The following OGFR variants were observed in gnomAD, a reference collection of about 807,000 sequenced individuals.
The protein encoded by OGFR is protein 7-60.
OGFR carries 18 observed loss-of-function variants against 33.6 expected under a neutral mutation model. The observed-to-expected ratio is 0.54, with a 90% CI of 0.37 to 0.80. OGFR has a LOEUF of 0.80. Ranked by LOEUF, OGFR falls within the 30% of genes least tolerant of loss-of-function variation. The pLI, the probability that OGFR is intolerant of heterozygous loss-of-function variation, is 0.00. For missense variants in OGFR, 877 were observed against 955.8 expected, an observed-to-expected ratio of 0.92 and a Z score of 1.09; for synonymous variants, 370 against 400.7, an observed-to-expected ratio of 0.92 and a Z score of 0.91.
At chr20:62,805,101 C>T in intron 1 of OGFR, 71 bp downstream of exon 1, 4 of 1,187,486 alleles carry the variant, frequency 3.4e-6, no homozygotes, top group Non-Finnish European at 4.3e-6. Context: ...GACGGGAGAC[C>T]CCCCCATCCC....
At chr20:62,807,257 T>G in intron 1 of OGFR, 1 of 500,510 alleles carries the variant, frequency 2.0e-6, no homozygotes, top group Non-Finnish European at 3.6e-6. Flanking sequence ...AAGCCAGGAG[T>G]CCCAAAGGGG....
chr20:62,808,157 T>C, intron 2 of OGFR, 90 bp from the exon 3 acceptor site: 3 of 1,001,968 alleles, frequency 3.0e-6, no homozygotes, highest in Non-Finnish European at 4.8e-6. Flanking sequence ...GCCTGGAGGT[T>C]TGCAGATGCG....
intron 5 of OGFR, 107 bp from the exon 6 acceptor site, chr20:62,811,355 C>CT (rs1297812608): frequency 5.9e-6 from 7 of 1,190,134 alleles, no homozygotes; most frequent in Non-Finnish European, 8.4e-6. Flanking sequence ...GTCTGTCTGT[C>CT]TGTCTAGTCC....
In OGFR at chr20:62,808,233, C is replaced by T. The variant is rs201865492; in HGVS notation, c.241-14C>T. 4 of 1,607,360 alleles carry T rather than the reference C, an allele frequency of 2.5e-6. No individual in the cohort carries two copies. The highest frequency in any genetic ancestry group is 2.2e-5 in the East Asian group (1 of 44,862). Reference sequence around the variant, plus strand: ...CTGATGGATCCCTGCTGTCCCCTTTCTCTGGCTCTTCAGGATCTGGTGGAA... The same window carrying T: ...CTGATGGATCCCTGCTGTCCCCTTTTTCTGGCTCTTCAGGATCTGGTGGAA... On this transcript the variant is annotated splice_polypyrimidine_tract_variant and intron_variant, in intron 2 of 6. Transcript: ENST00000290291.
Position 62,812,815 on chromosome 20 carries a change from C to A in OGFR, c.1200C>A (p.Gly400=). Residue 400 remains glycine, a synonymous_variant, in exon 7 of 7, where the codon GGC becomes GGA. Coordinates refer to ENST00000290291, the MANE Select transcript of OGFR (RefSeq NM_007346.4). The part of the protein sequence containing the change: ...SRREQPPTEP[G]PQSASEVEKI... ...GGGAGCAGCCGCCCACAGAGCCAGG[C>A]CCTCAGAGTGCCTCAGAGGTGGAGA... The A allele has an allele frequency of 6.2e-7, 1 of 1,612,698 alleles. No homozygotes were observed. Among genetic ancestry groups the A allele is most frequent in the Non-Finnish European group, 8.5e-7 (1 of 1,179,898 alleles).
rs1990549402 is a variant in OGFR at position 62,804,975 on chromosome 20, G to A, written c.116G>A (p.Gly39Glu). ...GCCGGCGCGAGGGACGCGGACGCAG[G>A]GGACGAGGACGAGGAGTCGGAGGAG... The part of the protein sequence containing the change: ...EAAGARDADA[G>E]DEDEESEEPR... The change falls in exon 1 of 7, where the codon GGG becomes GAG. Residue 39 changes from glycine (G) to glutamate (E), a missense_variant. By Grantham distance (98) the Gly-to-Glu change is moderately conservative. Around this residue, in one of 3 missense-constraint regions of OGFR, gnomAD observed 760 missense variants for 736.0 expected, o/e 1.03. Transcript: ENST00000290291. 1.2e-5 allele frequency: 18 copies of A among 1,486,916 alleles called. No homozygotes were observed. Among genetic ancestry groups the A allele is most frequent in the Non-Finnish European group, 1.5e-5 (17 of 1,119,846 alleles). The allele number at this position is 1,486,916 out of a possible 1,614,324, so 92.1% of individuals were successfully genotyped here.
chr20:62,812,693 A>G lies in OGFR; in HGVS notation c.1078A>G (p.Arg360Gly). Residue 360 changes from arginine (R) to glycine (G), a missense_variant, in exon 7 of 7, where the codon AGG becomes GGG. This residue lies in a region of OGFR where 760 missense variants were observed against 736.0 expected (regional missense o/e 1.03). Transcript: ENST00000290291. ...GCCCCAGGATGCGGGACCCCTGGAG[A>G]GGAGCCAGGGGGATGAGGCAGGGGG... is the stretch of plus-strand genomic sequence containing the variant. ...VEPQDAGPLE[R>G]SQGDEAGGHG... 3.8e-6 allele frequency: 6 copies of G among 1,575,764 alleles called. No individual in the cohort carries two copies. Among genetic ancestry groups the G allele is most frequent in the Non-Finnish European group, 5.2e-6 (6 of 1,161,226 alleles).
chr20:62,809,694 T>TTGG (rs1233875904), intron 4 of OGFR, 31 bp downstream of exon 4: 4 of 1,406,898 alleles, frequency 2.8e-6, no homozygotes, highest in Non-Finnish European at 4.0e-6. Flanking sequence ...GGATGGGGGG[T>TTGG]TGGCGAGGCC....
chr20:62,810,378 C>G (rs1990696827), intron 4 of OGFR, 121 bp from the exon 5 acceptor site: 3 of 920,098 alleles, frequency 3.3e-6, no homozygotes, highest in Non-Finnish European at 5.2e-6. Context: ...CCACTCCCTC[C>G]TAGAGTTGAG....
In OGFR at chr20:62,812,447, T is replaced by A; in HGVS notation, c.832T>A (p.Phe278Ile). The change falls in exon 7 of 7, where the codon TTC (phenylalanine) becomes ATC (isoleucine). Residue 278 changes from phenylalanine (F) to isoleucine (I), a missense_variant. Phe to Ile is a conservative substitution (Grantham distance 21). This residue lies in a region of OGFR where 760 missense variants were observed against 736.0 expected (regional missense o/e 1.03). Coordinates refer to ENST00000290291, the MANE Select transcript of OGFR (RefSeq NM_007346.4). ...GCTGGTGCACTTCGCCTGGGAGCAC[T>A]TCCGGCCCCGCTGCAAGTTCGTCTG... The part of the protein sequence containing the change: ...RQLVHFAWEH[F>I]RPRCKFVWGP... 6.3e-7 allele frequency: 1 copy of A among 1,583,066 alleles called. No homozygotes were observed. Among genetic ancestry groups the A allele is most frequent in the South Asian group, 1.1e-5 (1 of 87,312 alleles).
chr20:62,811,640 AC>A, intron 6 of OGFR, 30 bp downstream of exon 6: 3 of 649,682 alleles, frequency 4.6e-6, no homozygotes, highest in Non-Finnish European at 6.9e-6. Flanking sequence ...GCCCACCCCC[AC>A]CCCGGCGCAG....
At position 62,813,760 on chromosome 20, in the gene OGFR, T is replaced by C. The variant is rs761308395; in HGVS notation, c.*111T>C. ...GCTCTGCTTCGTGACCCGTGACCCA[T>C]GACCCACAGTGCTGGCCTCCTGTGG... On this transcript the variant is annotated 3_prime_UTR_variant, in exon 7 of 7. Transcript: ENST00000290291. 5 of 1,300,946 alleles carry C rather than the reference T, an allele frequency of 3.8e-6. No homozygotes were observed. Among genetic ancestry groups the C allele is most frequent in the Non-Finnish European group, 5.5e-6 (5 of 912,728 alleles). The allele number at this position is 1,300,946 out of a possible 1,614,324, so 80.6% of individuals were successfully genotyped here. A position where few individuals can be genotyped will look rare whatever the true frequency, so the allele number is the denominator to read the frequency against.
intron 1 of OGFR, 190 bp from the exon 2 acceptor site, chr20:62,807,347 G>T: frequency 1.6e-6 from 1 of 618,364 alleles, no homozygotes; most frequent in Non-Finnish European, 2.9e-6. Flanking sequence ...CGTTACTGAG[G>T]CCCAAATCTG....
chr20:62,808,364 C>T (rs768175957), intron 3 of OGFR, 39 bp downstream of exon 3: 2 of 1,487,490 alleles, frequency 1.3e-6, no homozygotes, highest in East Asian at 4.5e-5. Flanking sequence ...GCGCTTCCAT[C>T]CTTGCCTGGC....
intron 6 of OGFR, 90 bp downstream of exon 6, chr20:62,811,700 C>G (rs541837306): frequency 7.2e-7 from 1 of 1,381,614 alleles, no homozygotes; most frequent in East Asian, 2.5e-5. Flanking sequence ...CTGCTGCAGA[C>G]GGAGAACTCC....
rs115035564 is a variant in OGFR, at chr20:62,807,757, T to C, written c.240+152T>C. ...ACCCTGCCTGGGGCACAGCCTGGTA[T>C]AGATTCAGAGCCCTGCCCTTCCCCT... On this transcript the variant is annotated intron_variant, in intron 2 of 6. Coordinates refer to ENST00000290291, the MANE Select transcript of OGFR (RefSeq NM_007346.4). The C allele has an allele frequency of 8.5e-4, 623 of 731,904 alleles. 3 individuals are homozygous for C. The African/African-American group carries it at 9.4e-3, about 11-fold the overall frequency. The allele number at this position is 731,904 out of a possible 1,614,324, so 45.3% of individuals were successfully genotyped here. A position where few individuals can be genotyped will look rare whatever the true frequency, so the allele number is the denominator to read the frequency against.
chr20:62,809,581 C>T lies in OGFR; in HGVS notation c.320-4C>T, dbSNP rs777855284. On this transcript the variant is annotated splice_region_variant and splice_polypyrimidine_tract_variant and intron_variant, in intron 3 of 6. Transcript: ENST00000290291. ...CAGCTGACTTGTCCCCATGGGGCTCCCAGGCTGTTTCATTGAGGACATTCT... is the reference window on the plus strand; with the variant it reads ...CAGCTGACTTGTCCCCATGGGGCTCTCAGGCTGTTTCATTGAGGACATTCT... 1 of 1,611,818 alleles carries T rather than the reference C, an allele frequency of 6.2e-7. No homozygotes were observed. The highest frequency in any genetic ancestry group is 1.7e-5 in the Admixed American group (1 of 60,004).
Position 62,810,424 on chromosome 20 carries a change from C to T in OGFR, c.399-75C>T. The T allele has an allele frequency of 2.7e-6, 4 of 1,456,406 alleles. No homozygotes were observed. The South Asian group carries it at 4.6e-5, about 17-fold the overall frequency. 90.2% of individuals were successfully genotyped at this position (1,456,406 alleles called of 1,614,324 possible). A position where few individuals can be genotyped will look rare whatever the true frequency, so the allele number is the denominator to read the frequency against. On this transcript the variant is annotated intron_variant, in intron 4 of 6. Transcript: ENST00000290291. ...CAGAGGGGATTGGAACTGCCCCGGG[C>T]TACACAGCGAGCACCTGCCCAAGGT... is the stretch of plus-strand genomic sequence containing the variant.
intron 3 of OGFR, among the ~76,000 whole-genome samples, 194 bp downstream of exon 3, chr20:62,808,519 C>G (rs761676524): frequency 2.0e-5 from 3 of 152,068 alleles, no homozygotes; most frequent in Non-Finnish European, 4.4e-5. Context: ...GTGTTTGGGT[C>G]GGGGTGGGCT....
Sources: allele counts gnomAD v4.1 joint callset (sites outside exome capture counted in the v4.1 genomes callset), GRCh38; gene constraint gnomAD v4.1.1; regional missense constraint gnomAD v4.1.1; transcripts MANE v1.5; gene names NCBI Gene and HGNC (gene_info 2026-07-23, HGNC 2026-07-21).